IGDCC4: variants seen among roughly 807,000 people sequenced by gnomAD.
IGDCC4 encodes immunoglobulin superfamily DCC subclass member 4.
In IGDCC4, 72 loss-of-function variants were observed where a neutral mutation model predicts 116.6. That is an observed-to-expected ratio of 0.62 (90% CI 0.51 to 0.75). The LOEUF (loss-of-function observed/expected upper bound fraction) is 0.75, where lower values mean the gene tolerates loss of function less well. IGDCC4 is among the 30% of genes least tolerant of loss of function. The pLI is 0.00. For missense variants in IGDCC4, 1,501 were observed against 1,662.4 expected, an observed-to-expected ratio of 0.90 and a Z score of 1.69; for synonymous variants, 709 against 719.9, an observed-to-expected ratio of 0.98 and a Z score of 0.24.
rs1056646087 is a variant in IGDCC4 at position 65,393,608 on chromosome 15, C to T, written c.1715-77G>A. 27 of 1,437,044 alleles carry T rather than the reference C, an allele frequency of 1.9e-5. No homozygotes were observed. Among genetic ancestry groups the T allele is most frequent in the Middle Eastern group, 2.2e-4 (1 of 4,620 alleles). The allele number at this position is 1,437,044 out of a possible 1,614,324, so 89.0% of individuals were successfully genotyped here. ...CCTAAACCCCCCTACATGGCTCTTC[C>T]GCCTCACATCCCGGTTCCTCCGTGC... is the stretch of plus-strand genomic sequence containing the variant. On this transcript the variant is annotated intron_variant, in intron 9 of 19. Coordinates refer to ENST00000352385, the MANE Select transcript of IGDCC4 (RefSeq NM_020962.3). The surrounding 1 kb of genome is among the most constrained non-coding windows in gnomAD (Gnocchi z 4.6).
chr15:65,399,360 C>T (rs2062961172), intron 5 of IGDCC4, among the ~76,000 whole-genome samples: 1 of 146,602 alleles, frequency 6.8e-6, no homozygotes, highest in African/African-American at 2.5e-5. Flanking sequence ...ACTCAGAAGG[C>T]TGAGGTAGGA....
rs779397800 is a variant in IGDCC4, at chr15:65,395,711, C to CG, written c.1411+38dup. The CG allele has an allele frequency of 3.6e-6, 5 of 1,402,566 alleles. No individual in the cohort carries two copies. The East Asian group carries it at 1.1e-4, about 31-fold the overall frequency. 86.9% of individuals were successfully genotyped at this position (1,402,566 alleles called of 1,614,324 possible). A position where few individuals can be genotyped will look rare whatever the true frequency, so the allele number is the denominator to read the frequency against. ...GAACCCCTTCTGGCTGCGCCCCGCC[C>CG]GGGCCTGCGCTGGTGCATCCCGCCC... On this transcript the variant is annotated intron_variant, in intron 7 of 19. Transcript: ENST00000352385.
chr15:65,390,457 G>T (rs754326472), intron 12 of IGDCC4, 119 bp from the exon 13 acceptor site: 13 of 764,170 alleles, frequency 1.7e-5, no homozygotes, highest in Non-Finnish European at 2.5e-5. Flanking sequence ...CCTGTGAGTT[G>T]AGTGGCATCA....
At chr15:65,385,338 G>A (rs1339919681) in intron 18 of IGDCC4, 2 of 578,038 alleles carry the variant, frequency 3.5e-6, no homozygotes, top group Non-Finnish European at 6.0e-6. Context: ...AACACCAGAC[G>A]CTCTGCAAAG....
intron 18 of IGDCC4, chr15:65,385,495 G>A: frequency 1.9e-6 from 1 of 531,544 alleles, no homozygotes. Flanking sequence ...CCACAGCCAA[G>A]CCGACTGGCC....
At position 65,422,902 on chromosome 15, in the gene IGDCC4, C is replaced by T. The variant is rs909137566; in HGVS notation, c.-40G>A. The T allele has an allele frequency of 1.3e-5, 13 of 1,004,270 alleles. No homozygotes were observed. Among genetic ancestry groups the T allele is most frequent in the Non-Finnish European group, 1.5e-5 (13 of 842,306 alleles). 62.2% of individuals were successfully genotyped at this position (1,004,270 alleles called of 1,614,324 possible). A position where few individuals can be genotyped will look rare whatever the true frequency, so the allele number is the denominator to read the frequency against. Reference sequence around the variant, plus strand: ...GCCGCCGCCGCCGCCGCCGCCTCCCCGTGCTTCGGCCGCCGCCGCGGGGGG... The same window carrying T: ...GCCGCCGCCGCCGCCGCCGCCTCCCTGTGCTTCGGCCGCCGCCGCGGGGGG... On this transcript the variant is annotated 5_prime_UTR_variant, in exon 1 of 20. Coordinates refer to ENST00000352385, the MANE Select transcript of IGDCC4 (RefSeq NM_020962.3).
Sources: gnomAD v4.1 joint callset for allele counts (sites outside exome capture counted in the v4.1 genomes callset) on GRCh38, gnomAD v4.1.1 for gene constraint, Gnocchi (gnomAD v3.1) non-coding constraint, MANE v1.5 for transcripts, NCBI Gene and HGNC (gene_info 2026-07-23, HGNC 2026-07-21) for gene names.